LHFPL3: variants seen among roughly 807,000 people sequenced by gnomAD.
The protein encoded by LHFPL3 is LHFPL tetraspan subfamily member 3, also known as LHFPL tetraspan subfamily member 3 protein.
LHFPL3 carries 5 observed loss-of-function variants against 19.3 expected under a neutral mutation model. That is an observed-to-expected ratio of 0.26 (90% CI 0.14 to 0.54). The LOEUF (loss-of-function observed/expected upper bound fraction) is 0.54. Among genes scored for constraint, LHFPL3 ranks in the 20% least tolerant of loss-of-function variants. LHFPL3 has a pLI of 0.94. For synonymous variants in LHFPL3, 133 were observed against 126.2 expected, an observed-to-expected ratio of 1.05 and a Z score of -0.36; for missense variants, 249 against 307.4, an observed-to-expected ratio of 0.81 and a Z score of 1.42.
intron 1 of LHFPL3, among the ~76,000 whole-genome samples, chr7:104,582,730 A>G (rs532999310): frequency 1.3e-5 from 2 of 152,122 alleles, no homozygotes; most frequent in African/African-American, 2.4e-5. Context: ...GTATGTTAAT[A>G]TGATAAATTA....
At position 104,907,015 on chromosome 7, in the gene LHFPL3, A is replaced by G. The variant is rs1023366205; in HGVS notation, c.*800A>G. The G allele has an allele frequency of 1.3e-5, 2 of 152,626 alleles. No homozygotes were observed. Among genetic ancestry groups the G allele is most frequent in the African/African-American group, 4.8e-5 (2 of 41,462 alleles). 9.5% of individuals were successfully genotyped at this position (152,626 alleles called of 1,614,324 possible). On this transcript the variant is annotated 3_prime_UTR_variant, in exon 3 of 3. Coordinates refer to ENST00000424859, the MANE Select transcript of LHFPL3 (RefSeq NM_199000.3). Reference sequence around the variant, plus strand: ...AAACAGCATCAAGGAACTCTGAAAAATATAGAAAAAGTTCATTTTCACCTT... The same window carrying G: ...AAACAGCATCAAGGAACTCTGAAAAGTATAGAAAAAGTTCATTTTCACCTT...
intron 2 of LHFPL3, among the ~76,000 whole-genome samples, chr7:104,875,471 G>C (rs1176922980): frequency 6.6e-6 from 1 of 152,150 alleles, no homozygotes; most frequent in African/African-American, 2.4e-5. Context: ...CAGGTTATTA[G>C]AGCCCATCTG....
intron 2 of LHFPL3, among the ~76,000 whole-genome samples, chr7:104,771,446 C>T (rs981485527): frequency 1.3e-5 from 2 of 152,054 alleles, no homozygotes; most frequent in East Asian, 3.8e-4. Flanking sequence ...GCTCAGGGCT[C>T]TTTTTACTGG....
intron 1 of LHFPL3, among the ~76,000 whole-genome samples, chr7:104,726,968 A>G (rs866498330): frequency 1.2e-4 from 19 of 152,192 alleles, no homozygotes; most frequent in African/African-American, 4.1e-4. Context: ...AAGTGTTCCT[A>G]TTTCTCCACA....
rs1793956217 is a variant in LHFPL3 at position 104,742,632 on chromosome 7, A to G, written c.682+5721A>G. 5.3e-5 allele frequency among the ~76,000 whole-genome samples: 8 copies of G among 152,148 alleles called. No homozygotes were observed. In the South Asian group the frequency reaches 1.7e-3, roughly 32 times the overall value. ...TGAGGAGCCTTGGGCCAATATCTTAATAGTTCCAAAATTAAGCTTCCTGGC... is the reference window on the plus strand; with the variant it reads ...TGAGGAGCCTTGGGCCAATATCTTAGTAGTTCCAAAATTAAGCTTCCTGGC... On this transcript the variant is annotated intron_variant, in intron 2 of 2. Transcript: ENST00000424859.
intron 1 of LHFPL3, among the ~76,000 whole-genome samples, chr7:104,579,867 T>C (rs933464432): frequency 1.3e-5 from 2 of 152,152 alleles, no homozygotes; most frequent in African/African-American, 2.4e-5. Context: ...TGACTGCATA[T>C]CTAAACCTAG....
At chr7:104,656,342 G>A (rs573062937) in intron 1 of LHFPL3, among the ~76,000 whole-genome samples, 6 of 152,168 alleles carry the variant, frequency 3.9e-5, no homozygotes, top group African/African-American at 1.4e-4. Context: ...GAGGAGGCCT[G>A]GTGTAGGCCA....
chr7:104,346,182 C>T (rs981708395), intron 1 of LHFPL3, among the ~76,000 whole-genome samples: 3 of 151,840 alleles, frequency 2.0e-5, no homozygotes, highest in East Asian at 1.9e-4. Context: ...GCTACAGGCA[C>T]GTGCTACCAT....
chr7:104,430,760 G>T (rs1001818034), intron 1 of LHFPL3, among the ~76,000 whole-genome samples: 5 of 151,626 alleles, frequency 3.3e-5, no homozygotes, highest in Non-Finnish European at 7.4e-5. Context: ...GAGCCACTGC[G>T]CCCGGCCCTT....
chr7:104,583,716 A>C (rs1453291410), intron 1 of LHFPL3, among the ~76,000 whole-genome samples: 1 of 152,184 alleles, frequency 6.6e-6, no homozygotes, highest in African/African-American at 2.4e-5. Flanking sequence ...AATGCTCATC[A>C]TCACTGGCCA....
intron 2 of LHFPL3, among the ~76,000 whole-genome samples, chr7:104,741,724 G>C (rs900068025): frequency 6.6e-6 from 1 of 151,888 alleles, no homozygotes; most frequent in African/African-American, 2.4e-5. Context: ...TTGGCGGCGG[G>C]GGTTGTTTTT....
intron 1 of LHFPL3, among the ~76,000 whole-genome samples, chr7:104,720,422 T>TA (rs1229288500): frequency 2.0e-5 from 3 of 152,092 alleles, no homozygotes; most frequent in African/African-American, 7.2e-5. Context: ...ATGTTAGACC[T>TA]AAAACCATAA....
chr7:104,469,957 A>G (rs1182016160), intron 1 of LHFPL3: 1 of 455,558 alleles, frequency 2.2e-6, no homozygotes, highest in African/African-American at 2.0e-5. Flanking sequence ...AGAAAACTGT[A>G]CGGAAATAGG....
chr7:104,888,762 G>T (rs1181734075), intron 2 of LHFPL3, among the ~76,000 whole-genome samples: 2 of 152,198 alleles, frequency 1.3e-5, no homozygotes, highest in African/African-American at 4.8e-5. Context: ...ATCATGTGTA[G>T]GCTGTAGAAG....
At chr7:104,500,105 G>A (rs1793572609) in intron 1 of LHFPL3, among the ~76,000 whole-genome samples, 1 of 152,182 alleles carries the variant, frequency 6.6e-6, no homozygotes, top group African/African-American at 2.4e-5. Flanking sequence ...TCCGAGAAGA[G>A]ATGGGAAAGT....
intron 2 of LHFPL3, among the ~76,000 whole-genome samples, chr7:104,873,514 G>A (rs1791874947): frequency 6.6e-6 from 1 of 151,780 alleles, no homozygotes; most frequent in African/African-American, 2.4e-5. Flanking sequence ...GGTTATCCTA[G>A]CTACTTGGGA....
At chr7:104,839,633 C>T (rs993414611) in intron 2 of LHFPL3, among the ~76,000 whole-genome samples, 1 of 151,918 alleles carries the variant, frequency 6.6e-6, no homozygotes, top group Non-Finnish European at 1.5e-5. Flanking sequence ...CGTGCCACTG[C>T]ACTCTAGCCT....
intron 1 of LHFPL3, among the ~76,000 whole-genome samples, chr7:104,726,496 C>T (rs1793594692): frequency 6.6e-6 from 1 of 152,108 alleles, no homozygotes; most frequent in Admixed American, 6.6e-5. Flanking sequence ...CCCTGCCTAA[C>T]CCAGCAGGCC....
chr7:104,790,758 C>T (rs931125565), intron 2 of LHFPL3, among the ~76,000 whole-genome samples: 1 of 152,148 alleles, frequency 6.6e-6, no homozygotes, highest in Non-Finnish European at 1.5e-5. Flanking sequence ...CCAGAATCCT[C>T]GTCATTTTTT....
Sources: allele counts gnomAD v4.1 joint callset (sites outside exome capture counted in the v4.1 genomes callset), GRCh38; gene constraint gnomAD v4.1.1; transcripts MANE v1.5; gene names NCBI Gene and HGNC (gene_info 2026-07-23, HGNC 2026-07-21).